The following ATXN8OS variants were observed in gnomAD, a reference collection of about 807,000 sequenced individuals.
The protein encoded by ATXN8OS is ATXN8 opposite strand lncRNA.
chr13:70,168,628 G>A (rs1163747609), intron 4 of ATXN8OS, among the ~76,000 whole-genome samples: 1 of 148,746 alleles, frequency 6.7e-6, no homozygotes, highest in South Asian at 2.1e-4. Flanking sequence ...ATAGGAGAGA[G>A]AACATGTGAC....
chr13:70,115,019 C>A (rs2137470432), intron 1 of ATXN8OS: 1 of 382,750 alleles, frequency 2.6e-6, no homozygotes, highest in South Asian at 1.6e-4. Context: ...ATTGAGCTCT[C>A]TTTCTAACGT....
chr13:70,158,811 A>G (rs907701724), intron 4 of ATXN8OS, among the ~76,000 whole-genome samples: 1 of 152,190 alleles, frequency 6.6e-6, no homozygotes, highest in African/African-American at 2.4e-5. Context: ...CTGACCGTTT[A>G]AAAACATTAA....
At chr13:70,133,725 C>T (rs1888566736) in intron 3 of ATXN8OS, among the ~76,000 whole-genome samples, 1 of 152,104 alleles carries the variant, frequency 6.6e-6, no homozygotes, top group East Asian at 1.9e-4. Context: ...CCAAGGAATG[C>T]TTGGGGCTCC....
chr13:70,151,722 G>A lies in ATXN8OS; in HGVS notation n.573+4294G>A, dbSNP rs895584639. ...TGGAAGTCACTGAATAGGAGGGAGC[G>A]ATGATTAAAGTTGTATTTCAACAAG... is the stretch of plus-strand genomic sequence containing the variant. On this transcript the variant is annotated intron_variant and non_coding_transcript_variant, in intron 4 of 4. Coordinates refer to ENST00000678624, the Ensembl canonical transcript of ATXN8OS. Among the ~76,000 whole-genome samples, 15 of 152,110 alleles carry A rather than the reference G, an allele frequency of 9.9e-5. 1 individual carries two copies. In the South Asian group the frequency reaches 1.0e-3, roughly 11 times the overall value.
chr13:70,164,104 CA>C (rs1201081944), intron 4 of ATXN8OS, among the ~76,000 whole-genome samples: 1 of 145,702 alleles, frequency 6.9e-6, no homozygotes, highest in Non-Finnish European at 1.5e-5. Flanking sequence ...ATCCTGTTTC[CA>C]AAACCTGGGA....
chr13:70,121,696 C>A (rs1888361811), intron 2 of ATXN8OS, among the ~76,000 whole-genome samples: 1 of 152,090 alleles, frequency 6.6e-6, no homozygotes, highest in East Asian at 1.9e-4. Flanking sequence ...ATTTACAGCA[C>A]AAGAAATTGT....
At chr13:70,156,016 G>A (rs1379815089) in intron 4 of ATXN8OS, among the ~76,000 whole-genome samples, 1 of 151,816 alleles carries the variant, frequency 6.6e-6, no homozygotes, top group Non-Finnish European at 1.5e-5. Context: ...CAATGTATAG[G>A]TTATCAAATG....
intron 3 of ATXN8OS, among the ~76,000 whole-genome samples, chr13:70,134,534 A>G (rs574913016): frequency 1.3e-5 from 2 of 152,344 alleles, no homozygotes; most frequent in South Asian, 4.1e-4. Context: ...AAGGACTCCA[A>G]CTACATGGAG....
At chr13:70,108,762 G>C (rs1486667132) in intron 1 of ATXN8OS, among the ~76,000 whole-genome samples, 1 of 152,214 alleles carries the variant, frequency 6.6e-6, no homozygotes, top group Non-Finnish European at 1.5e-5. Context: ...GCAGGTTGCA[G>C]GTTAATGGCT....
intron 1 of ATXN8OS, among the ~76,000 whole-genome samples, chr13:70,114,048 T>G (rs1050911080): frequency 1.3e-5 from 2 of 152,234 alleles, no homozygotes; most frequent in Non-Finnish European, 2.9e-5. Flanking sequence ...AAATTATATA[T>G]TCAGAGTATT....
chr13:70,141,944 C>T (rs1341219881), intron 3 of ATXN8OS, among the ~76,000 whole-genome samples: 2 of 152,038 alleles, frequency 1.3e-5, no homozygotes, highest in African/African-American at 4.8e-5. Context: ...AACCCAATGG[C>T]AGGGTCTCGG....
intron 3 of ATXN8OS, among the ~76,000 whole-genome samples, chr13:70,132,860 T>C (rs201053184): frequency 5.9e-5 from 6 of 101,738 alleles, no homozygotes; most frequent in Admixed American, 3.5e-4. Flanking sequence ...TAAAGTCTAT[T>C]TTTTTTTTTG....
intron 2 of ATXN8OS, among the ~76,000 whole-genome samples, chr13:70,128,153 T>C (rs1593762194): frequency 6.6e-6 from 1 of 152,164 alleles, no homozygotes; most frequent in Admixed American, 6.5e-5. Flanking sequence ...TTATTTCGCC[T>C]TACAAGCTTA....
At chr13:70,119,973 A>T (rs973667153) in intron 2 of ATXN8OS, among the ~76,000 whole-genome samples, 1 of 152,136 alleles carries the variant, frequency 6.6e-6, no homozygotes, top group South Asian at 2.1e-4. Context: ...GAATATGTAT[A>T]TTTAACCTGC....
At chr13:70,128,462 G>T (rs1358136336) in intron 2 of ATXN8OS, among the ~76,000 whole-genome samples, 2 of 152,036 alleles carry the variant, frequency 1.3e-5, no homozygotes, top group Non-Finnish European at 2.9e-5. Flanking sequence ...CTAAGAAGGG[G>T]AGGGCAAATG....
intron 4 of ATXN8OS, among the ~76,000 whole-genome samples, chr13:70,167,905 T>G (rs940963103): frequency 5.9e-5 from 9 of 151,738 alleles, no homozygotes; most frequent in Non-Finnish European, 4.4e-5. Context: ...CTGACTAATT[T>G]TTTTGTATTT....
chr13:70,142,799 C>A (rs1276910500), intron 3 of ATXN8OS, among the ~76,000 whole-genome samples: 5 of 152,176 alleles, frequency 3.3e-5, no homozygotes, highest in Admixed American at 6.5e-5. Flanking sequence ...ATGCGGCCGG[C>A]CGCAGGGCTC....
chr13:70,115,176 G>A (rs756257987), exon 2 of ATXN8OS: 9 of 398,314 alleles, frequency 2.3e-5, no homozygotes, highest in Non-Finnish European at 4.0e-5. Flanking sequence ...CAATGCACGA[G>A]AATTTGGTCT....
intron 4 of ATXN8OS, among the ~76,000 whole-genome samples, chr13:70,158,461 A>T (rs1310210199): frequency 6.6e-6 from 1 of 152,174 alleles, no homozygotes; most frequent in Non-Finnish European, 1.5e-5. Context: ...AGAAATATGT[A>T]ATAGGACAGT....
Sources: gnomAD v4.1 joint callset for allele counts (sites outside exome capture counted in the v4.1 genomes callset) on GRCh38, gnomAD v4.1.1 for gene constraint, MANE v1.5 for transcripts, NCBI Gene and HGNC (gene_info 2026-07-23, HGNC 2026-07-21) for gene names.